The following ANO4 variants were observed in gnomAD, a reference collection of about 807,000 sequenced individuals.
ANO4 encodes anoctamin-4.
A neutral mutation model predicts 141.9 loss-of-function variants in ANO4; 69 were observed. The ratio of observed to expected loss-of-function variants is 0.49; its 90% CI spans 0.40 to 0.59. The LOEUF (loss-of-function observed/expected upper bound fraction) is 0.59. Among genes scored for constraint, ANO4 ranks in the 20% least tolerant of loss-of-function variants. The probability of loss-of-function intolerance (pLI) is 0.00; values close to 1 mark genes in which losing one functional copy is unlikely to be tolerated. For synonymous variants in ANO4, 350 were observed against 394.3 expected, an observed-to-expected ratio of 0.89 and a Z score of 1.33; for missense variants, 894 against 1,162.2, an observed-to-expected ratio of 0.77 and a Z score of 3.36.
intron 2 of ANO4, among the ~76,000 whole-genome samples, chr12:100,734,188 G>T (rs1246697448): frequency 1.3e-5 from 2 of 152,184 alleles, no homozygotes; most frequent in African/African-American, 2.4e-5. Context: ...ACTTTTTAAA[G>T]ATTTATATTA....
At chr12:101,085,853 A>G (rs780943854) in intron 16 of ANO4, among the ~76,000 whole-genome samples, 1 of 152,172 alleles carries the variant, frequency 6.6e-6, no homozygotes, top group African/African-American at 2.4e-5. Flanking sequence ...TGAGCAAAAA[A>G]GACTCCTTCC....
intron 1 of ANO4, among the ~76,000 whole-genome samples, chr12:100,896,973 G>A (rs2040381076): frequency 6.6e-6 from 1 of 152,098 alleles, no homozygotes; most frequent in African/African-American, 2.4e-5. Context: ...CCATTTTACA[G>A]GTGAAAAAAC....
Position 100,933,478 on chromosome 12 carries a change from C to T in ANO4, c.161-5837C>T, listed in dbSNP as rs193203402. Among the ~76,000 whole-genome samples, 485 of 152,260 alleles carry T rather than the reference C, an allele frequency of 3.2e-3. 2 individuals carry two copies. Among genetic ancestry groups the T allele is most frequent in the African/African-American group, 0.01 (432 of 41,542 alleles). On this transcript the variant is annotated intron_variant, in intron 3 of 27. Coordinates refer to ENST00000392977, the MANE Select transcript of ANO4 (RefSeq NM_001286615.2). ...CCTTTTTTATGGCTGCATAGTATTCCGTGGTGTATATGTGCCACATTTTCT... is the reference window on the plus strand; with the variant it reads ...CCTTTTTTATGGCTGCATAGTATTCTGTGGTGTATATGTGCCACATTTTCT...
chr12:101,116,538 C>T, intron 24 of ANO4, 141 bp from the exon 25 acceptor site: 1 of 1,223,614 alleles, frequency 8.2e-7, no homozygotes, highest in South Asian at 1.4e-5. Context: ...CAGCGTATCC[C>T]AACCTGAGTC....
chr12:100,780,660 T>C (rs146980673), intron 3 of ANO4, among the ~76,000 whole-genome samples: 2 of 152,254 alleles, frequency 1.3e-5, no homozygotes, highest in Non-Finnish European at 2.9e-5. Flanking sequence ...TTTTGGCCCA[T>C]TTCTTTGCTA....
At chr12:100,980,688 CATA>C (rs2044420264) in intron 7 of ANO4, among the ~76,000 whole-genome samples, 1 of 152,156 alleles carries the variant, frequency 6.6e-6, no homozygotes, top group Non-Finnish European at 1.5e-5. Flanking sequence ...AGCACTTCTT[CATA>C]ATATCTTTAT....
At chr12:100,819,049 G>GTATATA (rs200287125) in intron 1 of ANO4, among the ~76,000 whole-genome samples, 7 of 148,466 alleles carry the variant, frequency 4.7e-5, no homozygotes, top group African/African-American at 1.8e-4. Flanking sequence ...ATATATATGT[G>GTATATA]TATATATATA....
At chr12:100,823,908 A>G (rs2036192149) in intron 1 of ANO4, among the ~76,000 whole-genome samples, 3 of 152,078 alleles carry the variant, frequency 2.0e-5, no homozygotes, top group Admixed American at 2.0e-4. Context: ...GTATTAGAAT[A>G]GTTCACATAT....
At chr12:101,126,756 C>A in intron 26 of ANO4, 123 bp from the exon 27 acceptor site, 1 of 817,288 alleles carries the variant, frequency 1.2e-6, no homozygotes, top group Non-Finnish European at 1.9e-6. Context: ...TTACACACGC[C>A]TCCCCTGGTC....
chr12:100,732,666 A>G (rs1187266916), intron 1 of ANO4, among the ~76,000 whole-genome samples: 1 of 152,062 alleles, frequency 6.6e-6, no homozygotes, highest in Non-Finnish European at 1.5e-5. Context: ...ATCTTCTAGG[A>G]GTTTTTAAAT....
chr12:100,867,927 G>A (rs1350015329), intron 1 of ANO4, among the ~76,000 whole-genome samples: 1 of 152,116 alleles, frequency 6.6e-6, no homozygotes, highest in South Asian at 2.1e-4. Flanking sequence ...TGTTTTGCCA[G>A]TTGATAAATA....
chr12:101,012,691 T>C (rs532244135), intron 8 of ANO4, among the ~76,000 whole-genome samples: 1 of 152,318 alleles, frequency 6.6e-6, no homozygotes, highest in Non-Finnish European at 1.5e-5. Context: ...TAAGATCTTA[T>C]TCATTTTTTT....
At chr12:100,910,081 A>T (rs1166627139) in intron 2 of ANO4, among the ~76,000 whole-genome samples, 1 of 152,166 alleles carries the variant, frequency 6.6e-6, no homozygotes, top group Non-Finnish European at 1.5e-5. Flanking sequence ...TGAAATTCAG[A>T]TTTAGCAGGA....
intron 1 of ANO4, among the ~76,000 whole-genome samples, chr12:100,898,648 T>C (rs1281497462): frequency 6.6e-6 from 1 of 152,200 alleles, no homozygotes; most frequent in African/African-American, 2.4e-5. Context: ...ATGCCATTTA[T>C]TTCCATGATA....
At chr12:100,881,446 A>G (rs1322206969) in intron 1 of ANO4, among the ~76,000 whole-genome samples, 22 of 151,866 alleles carry the variant, frequency 1.4e-4, no homozygotes, top group Non-Finnish European at 2.6e-4. Context: ...AAAAAAAAGA[A>G]TATGCTCCAA....
In ANO4 at chr12:101,095,668, T is replaced by G. The variant is rs78741237; in HGVS notation, c.1739-868T>G. The stretch of plus-strand genomic sequence containing the variant: ...AATTTGTGGAAATGAATTGATTAAA[T>G]GAAGTATTAAATGAGAAATCAGACA... On this transcript the variant is annotated intron_variant, in intron 18 of 27. Transcript: ENST00000392977. Among the ~76,000 whole-genome samples the G allele has an allele frequency of 3.9e-5, 6 of 152,312 alleles. No homozygotes were observed. In the East Asian group the frequency reaches 9.6e-4, roughly 24 times the overall value.
At chr12:100,774,046 C>A (rs1593306608) in intron 3 of ANO4, among the ~76,000 whole-genome samples, 1 of 152,166 alleles carries the variant, frequency 6.6e-6, no homozygotes, top group East Asian at 1.9e-4. Context: ...GGTCAAATGA[C>A]CTGCAAAGGA....
chr12:101,040,152 C>T, intron 11 of ANO4, 76 bp downstream of exon 11: 2 of 1,488,988 alleles, frequency 1.3e-6, no homozygotes, highest in South Asian at 1.4e-5. Context: ...GACAAGCTCC[C>T]AATGAAGCAA....
rs561298446 is a variant in ANO4 at position 100,912,533 on chromosome 12, C to CA, written c.56-9683dup. Among the ~76,000 whole-genome samples, 356 of 143,860 alleles carry CA rather than the reference C, an allele frequency of 2.5e-3. No individual in the cohort carries two copies. The Middle Eastern group carries it at 0.025, about 10-fold the overall frequency. 94.4% of individuals were successfully genotyped at this position (143,860 alleles called of 152,430 possible). A position where few individuals can be genotyped will look rare whatever the true frequency, so the allele number is the denominator to read the frequency against. ...TGGGTGACAGAGCGAGACTCCGTCTCAAAAAAAAAACAAAAAAACAAAACT... is the reference window on the plus strand; with the variant it reads ...TGGGTGACAGAGCGAGACTCCGTCTCAAAAAAAAAAACAAAAAAACAAAACT... On this transcript the variant is annotated intron_variant, in intron 2 of 27. Coordinates refer to ENST00000392977, the MANE Select transcript of ANO4 (RefSeq NM_001286615.2).
Sources: allele counts gnomAD v4.1 joint callset (sites outside exome capture counted in the v4.1 genomes callset), GRCh38; gene constraint gnomAD v4.1.1; transcripts MANE v1.5; gene names NCBI Gene and HGNC (gene_info 2026-07-23, HGNC 2026-07-21).